COL26A1: variants seen among roughly 807,000 people sequenced by gnomAD.
The protein encoded by COL26A1 is collagen type XXVI alpha 1 chain, also known as collagen alpha-1(XXVI) chain.
Under a neutral mutation model 59.3 loss-of-function variants are expected in COL26A1, and 41 were observed. The observed-to-expected ratio is 0.69, with a 90% CI of 0.54 to 0.90. The LOEUF is 0.90. COL26A1 is among the 40% of genes least tolerant of loss of function. The probability of loss-of-function intolerance (pLI) is 0.00; values close to 1 mark genes in which losing one functional copy is unlikely to be tolerated. For synonymous variants in COL26A1, 266 were observed against 256.0 expected, an observed-to-expected ratio of 1.04 and a Z score of -0.37; for missense variants, 612 against 602.3, an observed-to-expected ratio of 1.02 and a Z score of -0.17.
intron 3 of COL26A1, among the ~76,000 whole-genome samples, chr7:101,468,785 C>T (rs1793826131): frequency 6.6e-6 from 1 of 152,222 alleles, no homozygotes; most frequent in Non-Finnish European, 1.5e-5. Context: ...TCTTCTCTGG[C>T]CATCTGTAGG....
intron 3 of COL26A1, among the ~76,000 whole-genome samples, chr7:101,530,244 G>A (rs538194134): frequency 1.3e-5 from 2 of 151,928 alleles, no homozygotes; most frequent in Non-Finnish European, 2.9e-5. Context: ...TCTTTCAGCC[G>A]CACAGGAATC....
intron 3 of COL26A1, among the ~76,000 whole-genome samples, chr7:101,476,775 C>T (rs111633189): frequency 0.088 from 13,331 of 150,862 alleles, 677 homozygotes; most frequent in Middle Eastern, 0.14. Flanking sequence ...TCTCGATCTC[C>T]TGACCTCGTG....
At chr7:101,436,189 G>T (rs982848573) in intron 2 of COL26A1, among the ~76,000 whole-genome samples, 1 of 152,088 alleles carries the variant, frequency 6.6e-6, no homozygotes, top group Admixed American at 6.6e-5. Context: ...CTGCCCACTG[G>T]GCCCACTGTC....
chr7:101,514,576 T>C (rs1794990118), intron 3 of COL26A1, among the ~76,000 whole-genome samples: 1 of 152,106 alleles, frequency 6.6e-6, no homozygotes, highest in African/African-American at 2.4e-5. Flanking sequence ...GACAGTGAGC[T>C]ATGGCTAGCG....
rs373111804 is a variant in COL26A1, at chr7:101,530,449, TC to T, written c.386-2631del. ...CGGGCGTGGTGATGCGTGCCTGTAATCCTAGCTACCCGGGAGGCTGAGGCAG... is the reference window on the plus strand; with the variant it reads ...CGGGCGTGGTGATGCGTGCCTGTAATCTAGCTACCCGGGAGGCTGAGGCAG... On this transcript the variant is annotated intron_variant, in intron 3 of 12. Coordinates refer to ENST00000313669, the MANE Select transcript of COL26A1 (RefSeq NM_001278563.3). 9.1e-3 allele frequency among the ~76,000 whole-genome samples: 1,380 copies of T among 151,228 alleles called. 18 individuals carry two copies. The highest frequency in any genetic ancestry group is 0.032 in the African/African-American group (1,332 of 41,138).
At chr7:101,418,490 A>G (rs1268327719) in intron 1 of COL26A1, among the ~76,000 whole-genome samples, 1 of 151,944 alleles carries the variant, frequency 6.6e-6, no homozygotes, top group Non-Finnish European at 1.5e-5. Flanking sequence ...TTATTTTTAG[A>G]CAGGGTCTCG....
intron 3 of COL26A1, among the ~76,000 whole-genome samples, chr7:101,520,627 G>GACACACACACACACACAC (rs1250474937): frequency 6.7e-5 from 6 of 88,956 alleles, no homozygotes; most frequent in Admixed American, 5.0e-4. Context: ...GACAAGCACA[G>GACACACACACACACACAC]ACACATACAC....
chr7:101,500,852 A>C (rs1794689299), intron 3 of COL26A1, among the ~76,000 whole-genome samples: 3 of 151,758 alleles, frequency 2.0e-5, no homozygotes, highest in Admixed American at 2.0e-4. Flanking sequence ...ATAGATAAAA[A>C]AAGAAAAGTG....
chr7:101,471,872 G>A (rs535205216), intron 3 of COL26A1, among the ~76,000 whole-genome samples: 3 of 152,118 alleles, frequency 2.0e-5, no homozygotes, highest in Non-Finnish European at 2.9e-5. Flanking sequence ...GAGCCGCTGC[G>A]CCCGGCCAGA....
At chr7:101,505,829 C>T (rs2130571497) in intron 3 of COL26A1, among the ~76,000 whole-genome samples, 1 of 152,280 alleles carries the variant, frequency 6.6e-6, no homozygotes. Context: ...TCCTTCAATC[C>T]AATCAAGTTG....
intron 3 of COL26A1, among the ~76,000 whole-genome samples, chr7:101,527,837 A>G (rs1302319397): frequency 6.6e-6 from 1 of 152,070 alleles, no homozygotes; most frequent in Non-Finnish European, 1.5e-5. Flanking sequence ...GGGACACTTC[A>G]TAATCCTGGA....
intron 1 of COL26A1, among the ~76,000 whole-genome samples, chr7:101,370,571 C>A (rs1256517845): frequency 6.6e-6 from 1 of 152,004 alleles, no homozygotes; most frequent in South Asian, 2.1e-4. Context: ...GGGGTTTTGT[C>A]ATGTTGGCCA....
At chr7:101,472,755 A>AC (rs1170228847) in intron 3 of COL26A1, among the ~76,000 whole-genome samples, 9 of 152,080 alleles carry the variant, frequency 5.9e-5, no homozygotes, top group Non-Finnish European at 1.2e-4. Flanking sequence ...GCCCATAAAC[A>AC]CCGCAATCTG....
intron 2 of COL26A1, 57 bp downstream of exon 2, chr7:101,420,156 C>G: frequency 1.3e-6 from 2 of 1,598,900 alleles, no homozygotes; most frequent in Non-Finnish European, 1.7e-6. Context: ...TCGGACAAAA[C>G]CAGTCCCAGG....
chr7:101,545,531 CG>C (rs60933561), intron 7 of COL26A1, 41 bp downstream of exon 7: 294,098 of 1,575,014 alleles, frequency 0.19, 28,929 homozygotes, highest in Non-Finnish European at 0.2. Context: ...GGCTGAGCTA[CG>C]CTGTGTTCTG....
intron 3 of COL26A1, among the ~76,000 whole-genome samples, chr7:101,503,700 C>G (rs1364063101): frequency 6.6e-6 from 1 of 152,186 alleles, no homozygotes; most frequent in Non-Finnish European, 1.5e-5. Context: ...GCATGGCTCA[C>G]AAAGCCCCAG....
At chr7:101,388,210 C>T (rs1230195483) in intron 1 of COL26A1, among the ~76,000 whole-genome samples, 6 of 151,896 alleles carry the variant, frequency 4.0e-5, no homozygotes, top group African/African-American at 7.2e-5. Flanking sequence ...CCGTGGCTCA[C>T]GCCTGTAATC....
At chr7:101,505,977 C>T (rs1563017306) in intron 3 of COL26A1, among the ~76,000 whole-genome samples, 4 of 152,292 alleles carry the variant, frequency 2.6e-5, no homozygotes, top group Non-Finnish European at 4.4e-5. Context: ...CCTGGTCCCT[C>T]CCAGCTCGTT....
chr7:101,488,377 T>TATATATATATATATATATAC (rs1396620345), intron 3 of COL26A1, among the ~76,000 whole-genome samples: 2 of 45,900 alleles, frequency 4.4e-5, no homozygotes, highest in African/African-American at 8.8e-5. Flanking sequence ...TATATATATA[T>TATATATATATATATATATAC]ACACACACAT....
Sources: allele counts gnomAD v4.1 joint callset (sites outside exome capture counted in the v4.1 genomes callset), GRCh38; gene constraint gnomAD v4.1.1; transcripts MANE v1.5; gene names NCBI Gene and HGNC (gene_info 2026-07-23, HGNC 2026-07-21).